NCKAP5: variants seen among roughly 807,000 people sequenced by gnomAD.
NCKAP5 encodes the protein NCK associated protein 5.
A neutral mutation model predicts 167.0 loss-of-function variants in NCKAP5; 92 were observed. The ratio of observed to expected loss-of-function variants is 0.55; its 90% CI spans 0.47 to 0.66. The LOEUF (loss-of-function observed/expected upper bound fraction) is 0.66. NCKAP5 is among the 30% of genes least tolerant of loss of function. NCKAP5 has a pLI of 0.00. For synonymous variants in NCKAP5, 891 were observed against 877.4 expected, an observed-to-expected ratio of 1.02 and a Z score of -0.27; for missense variants, 2,378 against 2,315.0, an observed-to-expected ratio of 1.03 and a Z score of -0.56.
In NCKAP5 at chr2:133,284,506, T is replaced by C. The variant is rs1024105053; in HGVS notation, c.143+18531A>G. On this transcript the variant is annotated intron_variant, in intron 4 of 19. Transcript: ENST00000409261. ...CTTTGCCAACTCTGCCAAAGACAGATGGCACGTGGCCATGATGCACCGTGG... is the reference window on the plus strand; with the variant it reads ...CTTTGCCAACTCTGCCAAAGACAGACGGCACGTGGCCATGATGCACCGTGG... Among the ~76,000 whole-genome samples the C allele has an allele frequency of 3.3e-5, 5 of 152,210 alleles. No homozygotes were observed. In the East Asian group the frequency reaches 9.6e-4, roughly 29 times the overall value.
chr2:133,021,593 G>T (rs2078529943), intron 6 of NCKAP5, among the ~76,000 whole-genome samples: 1 of 152,314 alleles, frequency 6.6e-6, no homozygotes, highest in East Asian at 1.9e-4. Flanking sequence ...TTAATCCAGG[G>T]ATATGTTTGC....
chr2:132,839,988 A>T (rs544583399), intron 11 of NCKAP5, among the ~76,000 whole-genome samples: 1 of 152,268 alleles, frequency 6.6e-6, no homozygotes, highest in South Asian at 2.1e-4. Context: ...ACTCTATACC[A>T]TCTGTTTACA....
intron 6 of NCKAP5, among the ~76,000 whole-genome samples, chr2:133,102,438 C>T (rs1055157369): frequency 8.5e-5 from 13 of 152,138 alleles, no homozygotes; most frequent in African/African-American, 2.9e-4. Context: ...TGAGCCATCA[C>T]GCCTGGCCTT....
chr2:132,689,324 A>G (rs1277550504), intron 19 of NCKAP5, among the ~76,000 whole-genome samples: 1 of 152,202 alleles, frequency 6.6e-6, no homozygotes, highest in Non-Finnish European at 1.5e-5. Flanking sequence ...AGTAAGAGTA[A>G]CCCATTGGGC....
At chr2:133,515,129 G>C (rs13402934) in intron 3 of NCKAP5, among the ~76,000 whole-genome samples, 2,627 of 152,158 alleles carry the variant, frequency 0.017, 82 homozygotes, top group African/African-American at 0.059. Flanking sequence ...CACAGGCCAG[G>C]CATCTTTGAT....
the NCKAP5 span, among the ~76,000 whole-genome samples, chr2:133,635,431 T>C: frequency 1.3e-5 from 2 of 152,224 alleles, no homozygotes; most frequent in Non-Finnish European, 2.9e-5. Context: ...TTCATGAGAT[T>C]CTAGGAATCC....
intron 6 of NCKAP5, among the ~76,000 whole-genome samples, chr2:133,111,694 C>T (rs1229430549): frequency 3.9e-5 from 6 of 152,168 alleles, no homozygotes; most frequent in African/African-American, 1.4e-4. Flanking sequence ...GGCCCGGGTA[C>T]CTTTTGGTGT....
At chr2:132,822,611 G>T (rs1686831218) in intron 11 of NCKAP5, among the ~76,000 whole-genome samples, 1 of 152,172 alleles carries the variant, frequency 6.6e-6, no homozygotes, top group Non-Finnish European at 1.5e-5. Flanking sequence ...AAATGAGAAA[G>T]AACCAGAAAA....
chr2:133,446,981 C>A (rs1414674671), intron 3 of NCKAP5, among the ~76,000 whole-genome samples: 3 of 152,128 alleles, frequency 2.0e-5, no homozygotes, highest in African/African-American at 7.2e-5. Flanking sequence ...TCAAGTGCAA[C>A]CCCAGTAGTC....
rs949428314 is a variant in NCKAP5, at chr2:133,431,895, C to T, written c.69+85563G>A. On this transcript the variant is annotated intron_variant, in intron 3 of 19. Coordinates refer to ENST00000409261, the MANE Select transcript of NCKAP5 (RefSeq NM_207363.3). ...ATCCATTTACATGAGTATAAAGGTT[C>T]AAGAACTGAAGGGTGGTTACTGATT... 9 of 152,212 alleles carry T rather than the reference C, an allele frequency of 5.9e-5. No homozygotes were observed. The East Asian group carries it at 1.7e-3, about 29-fold the overall frequency. 9.4% of individuals were successfully genotyped at this position (152,212 alleles called of 1,614,324 possible).
At chr2:133,287,045 C>G (rs1379966756) in intron 4 of NCKAP5, among the ~76,000 whole-genome samples, 1 of 152,194 alleles carries the variant, frequency 6.6e-6, no homozygotes, top group Non-Finnish European at 1.5e-5. Flanking sequence ...GTACAGAACT[C>G]ACTATCTCAA....
chr2:132,820,284 T>C (rs1558819797), intron 11 of NCKAP5, among the ~76,000 whole-genome samples: 1 of 151,840 alleles, frequency 6.6e-6, no homozygotes, highest in Non-Finnish European at 1.5e-5. Flanking sequence ...GGCTGGAGTG[T>C]GGTGGTGCAA....
the NCKAP5 span, among the ~76,000 whole-genome samples, chr2:133,619,391 A>C: frequency 6.6e-6 from 1 of 151,994 alleles, no homozygotes; most frequent in South Asian, 2.1e-4. Context: ...AGCATAAATA[A>C]AAAACAATCA....
At chr2:133,666,003 G>A in the NCKAP5 span, among the ~76,000 whole-genome samples, 7 of 151,900 alleles carry the variant, frequency 4.6e-5, no homozygotes, top group African/African-American at 1.7e-4. Context: ...ATACAAAAAT[G>A]TAAGATGAAA....
chr2:133,101,043 G>A (rs910387152), intron 6 of NCKAP5, among the ~76,000 whole-genome samples: 7 of 151,902 alleles, frequency 4.6e-5, no homozygotes, highest in African/African-American at 1.5e-4. Flanking sequence ...TAGGTCTAAC[G>A]TTTAAACCTT....
chr2:133,403,692 G>A (rs1212617401), intron 3 of NCKAP5, among the ~76,000 whole-genome samples: 2 of 152,186 alleles, frequency 1.3e-5, no homozygotes, highest in Admixed American at 1.3e-4. Context: ...TGCTGCCATG[G>A]AGAATGTCCC....
Position 133,335,246 on chromosome 2 carries a change from T to A in NCKAP5, c.70-32136A>T, listed in dbSNP as rs186651694. Among the ~76,000 whole-genome samples, 67 of 152,290 alleles carry A rather than the reference T, an allele frequency of 4.4e-4. No homozygotes were observed. In the East Asian group the frequency reaches 4.6e-3, roughly 11 times the overall value. On this transcript the variant is annotated intron_variant, in intron 3 of 19. Coordinates refer to ENST00000409261, the MANE Select transcript of NCKAP5 (RefSeq NM_207363.3). ...CTGAGCCATAATCACTGCGTTATAG[T>A]CTCTTACCCCTCTCACTCTTAATCA...
chr2:133,138,554 G>A (rs1373654132), intron 5 of NCKAP5, among the ~76,000 whole-genome samples: 1 of 152,144 alleles, frequency 6.6e-6, no homozygotes, highest in African/African-American at 2.4e-5. Context: ...GATTCCTACA[G>A]TGGAGAAGGC....
In NCKAP5 at chr2:132,722,197, C is replaced by T. The variant is rs1314701567; in HGVS notation, c.5713+3430G>A. 2.6e-5 allele frequency among the ~76,000 whole-genome samples: 4 copies of T among 152,194 alleles called. No homozygotes were observed. The East Asian group carries it at 5.8e-4, about 22-fold the overall frequency. ...AAACATGGGCCCTAAGGTAAGTGCC[C>T]TCATACCCAGGTACTCTCTCATGTG... On this transcript the variant is annotated intron_variant, in intron 19 of 19. Transcript: ENST00000409261.
Sources: allele counts gnomAD v4.1 joint callset (sites outside exome capture counted in the v4.1 genomes callset), GRCh38; gene constraint gnomAD v4.1.1; transcripts MANE v1.5; gene names NCBI Gene and HGNC (gene_info 2026-07-23, HGNC 2026-07-21).